Variants in GOLM1 observed in about 807,000 individuals in gnomAD.
The protein encoded by GOLM1 is golgi membrane protein 1, also known as epididymis luminal protein 46.
A neutral mutation model predicts 50.5 loss-of-function variants in GOLM1; 31 were observed. The observed-to-expected ratio is 0.61, with a 90% CI of 0.46 to 0.83. The LOEUF is 0.83. Ranked by LOEUF, GOLM1 falls within the 40% of genes least tolerant of loss-of-function variation. GOLM1 has a pLI of 0.00. For synonymous variants in GOLM1, 178 were observed against 192.8 expected (o/e 0.92, Z 0.64); for missense variants, 491 against 501.3 (o/e 0.98, Z 0.20).
intron 9 of GOLM1, among the ~76,000 whole-genome samples, chr9:86,030,093 CCCAGCTCCCAGCTACT>C (rs1171250147): frequency 1.3e-5 from 2 of 151,996 alleles, no homozygotes; most frequent in Non-Finnish European, 2.9e-5. Context: ...AGCCTGTAAT[CCCAGCTCCCAGCTACT>C]CAGGAGGCTG....
chr9:86,030,025 G>A (rs544481309), intron 9 of GOLM1, among the ~76,000 whole-genome samples: 1 of 152,184 alleles, frequency 6.6e-6, no homozygotes, highest in South Asian at 2.1e-4. Flanking sequence ...CAGCCTAGTG[G>A]ACATGGTGAA....
At chr9:86,086,314 G>C (rs1224858374) in intron 1 of GOLM1, among the ~76,000 whole-genome samples, 1 of 151,852 alleles carries the variant, frequency 6.6e-6, no homozygotes, top group East Asian at 1.9e-4. Context: ...GTTTTTGATG[G>C]GTTTTTTTTT....
chr9:86,045,738 T>C (rs574533510), intron 5 of GOLM1, among the ~76,000 whole-genome samples: 1 of 141,474 alleles, frequency 7.1e-6, no homozygotes, highest in African/African-American at 2.7e-5. Flanking sequence ...AGTAAAAAAA[T>C]GATTAAATTT....
At chr9:86,091,703 A>T (rs1835190696) in intron 1 of GOLM1, among the ~76,000 whole-genome samples, 1 of 152,204 alleles carries the variant, frequency 6.6e-6, no homozygotes, top group South Asian at 2.1e-4. Context: ...ATGCTGCCGC[A>T]CATGGCTTGA....
chr9:86,054,468 G>C (rs1014174653), intron 3 of GOLM1, among the ~76,000 whole-genome samples: 19 of 152,032 alleles, frequency 1.2e-4, no homozygotes, highest in East Asian at 3.9e-4. Flanking sequence ...AAGTGATTCG[G>C]CCGCCTTGGC....
Position 86,072,817 on chromosome 9 carries a change from G to A in GOLM1, c.309+4595C>T, listed in dbSNP as rs80063589. 1.7e-3 allele frequency among the ~76,000 whole-genome samples: 261 copies of A among 152,224 alleles called. 2 individuals are homozygous for A. The East Asian group carries it at 0.027, about 16-fold the overall frequency. On this transcript the variant is annotated intron_variant, in intron 3 of 9. Coordinates refer to ENST00000388712, the MANE Select transcript of GOLM1 (RefSeq NM_016548.4). ...GATATTATAGCCTACTGTACACCTA[G>A]GCTGTATGCTACAGCCTAATGCTCC...
At chr9:86,088,238 T>G (rs953401117) in intron 1 of GOLM1, among the ~76,000 whole-genome samples, 1 of 151,872 alleles carries the variant, frequency 6.6e-6, no homozygotes, top group Non-Finnish European at 1.5e-5. Context: ...GAGGTGTTTA[T>G]AGTATCCTCT....
At chr9:86,088,567 GTT>G in intron 1 of GOLM1, among the ~76,000 whole-genome samples, 1 of 58,792 alleles carries the variant, frequency 1.7e-5, no homozygotes, top group African/African-American at 1.6e-4. Context: ...GCAACTCCTG[GTT>G]TTGTTTTTTT....
chr9:86,075,547 G>A (rs766326941), intron 3 of GOLM1, among the ~76,000 whole-genome samples: 10 of 152,158 alleles, frequency 6.6e-5, no homozygotes, highest in Non-Finnish European at 1.5e-4. Flanking sequence ...GAGAATTTAA[G>A]TGACTTGCCT....
At chr9:86,040,264 C>T (rs911144744) in intron 6 of GOLM1, among the ~76,000 whole-genome samples, 3 of 152,158 alleles carry the variant, frequency 2.0e-5, no homozygotes, top group Non-Finnish European at 2.9e-5. Context: ...AATAAAGCTG[C>T]TATATTTTTA....
intron 5 of GOLM1, among the ~76,000 whole-genome samples, chr9:86,046,081 T>C (rs1390491174): frequency 2.0e-5 from 3 of 152,220 alleles, no homozygotes; most frequent in Admixed American, 6.5e-5. Context: ...AAGAAAACAA[T>C]GTCCACAATG....
intron 4 of GOLM1, among the ~76,000 whole-genome samples, chr9:86,052,039 G>A (rs1468827352): frequency 1.3e-5 from 2 of 152,044 alleles, no homozygotes; most frequent in Non-Finnish European, 2.9e-5. Flanking sequence ...ACAGTGGAAG[G>A]AGCCCCCGAC....
Position 86,027,243 on chromosome 9 carries a change from A to AGACTT in GOLM1, c.*569_*573dup. 3.0e-6 allele frequency: 3 copies of AGACTT among 985,518 alleles called. No individual in the cohort carries two copies. Among genetic ancestry groups the AGACTT allele is most frequent in the Non-Finnish European group, 3.6e-6 (3 of 829,974 alleles). The allele number at this position is 985,518 out of a possible 1,614,324, so 61.0% of individuals were successfully genotyped here. On this transcript the variant is annotated 3_prime_UTR_variant, in exon 10 of 10. Coordinates refer to ENST00000388712, the MANE Select transcript of GOLM1 (RefSeq NM_016548.4). ...TCTCACACAGAACAGCTTTGTATTT[A>AGACTT]GACTTAAAGCTGTTGCTACTTTGCT...
At chr9:86,052,098 AAAGG>A (rs1299434191) in intron 4 of GOLM1, among the ~76,000 whole-genome samples, 3 of 152,102 alleles carry the variant, frequency 2.0e-5, no homozygotes, top group Non-Finnish European at 4.4e-5. Flanking sequence ...AGAAGGACTC[AAAGG>A]AAGACCAATC....
chr9:86,056,504 ATTTTT>A (rs375381791), intron 3 of GOLM1, among the ~76,000 whole-genome samples: 14 of 138,830 alleles, frequency 1.0e-4, no homozygotes, highest in Middle Eastern at 3.9e-3. Context: ...TTTTATTTAA[ATTTTT>A]TTTTTTTTTT....
chr9:86,069,560 G>A (rs992108448), intron 3 of GOLM1, among the ~76,000 whole-genome samples: 23 of 152,148 alleles, frequency 1.5e-4, no homozygotes, highest in African/African-American at 5.6e-4. Flanking sequence ...TCAGATTAAC[G>A]AGACATAATC....
Position 86,026,560 on chromosome 9 carries a change from G to C in GOLM1, c.*1257C>G, listed in dbSNP as rs144145411. On this transcript the variant is annotated 3_prime_UTR_variant, in exon 10 of 10. Coordinates refer to ENST00000388712, the MANE Select transcript of GOLM1 (RefSeq NM_016548.4). ...TGAAAATAAGAGGGTTGGATCAAAC[G>C]ATCTCTGGGGCCTTAGCATCTCAAA... 1 of 907,986 alleles carries C rather than the reference G, an allele frequency of 1.1e-6. No individual in the cohort carries two copies. The highest frequency in any genetic ancestry group is 1.8e-5 in the African/African-American group (1 of 55,674). 56.2% of individuals were successfully genotyped at this position (907,986 alleles called of 1,614,324 possible).
intron 4 of GOLM1, among the ~76,000 whole-genome samples, chr9:86,049,134 C>G (rs1833653426): frequency 1.3e-5 from 2 of 152,156 alleles, no homozygotes; most frequent in African/African-American, 4.8e-5. Flanking sequence ...AATAGGGAAT[C>G]CTTTCCCCAT....
intron 4 of GOLM1, among the ~76,000 whole-genome samples, chr9:86,051,586 GA>G (rs1302370974): frequency 1.3e-5 from 2 of 152,324 alleles, no homozygotes; most frequent in East Asian, 3.9e-4. Flanking sequence ...CTACATGGCA[GA>G]CCAGAGGCTG....
Sources: allele counts gnomAD v4.1 joint callset (sites outside exome capture counted in the v4.1 genomes callset), GRCh38; gene constraint gnomAD v4.1.1; transcripts MANE v1.5; gene names NCBI Gene and HGNC (gene_info 2026-07-23, HGNC 2026-07-21).